HDAC8: variants seen among roughly 807,000 people sequenced by gnomAD.
The protein encoded by HDAC8 is histone deacetylase-like 1.
HDAC8 carries 1 observed loss-of-function variant against 32.2 expected under a neutral mutation model. That is an observed-to-expected ratio of 0.03 (90% CI 0.01 to 0.15). The LOEUF (loss-of-function observed/expected upper bound fraction) is 0.15. Among genes scored for constraint, HDAC8 ranks in the 10% least tolerant of loss-of-function variants. The pLI, the probability that HDAC8 is intolerant of heterozygous loss-of-function variation, is 1.00. For missense variants in HDAC8, 117 were observed against 300.0 expected (o/e 0.39, Z 4.51); for synonymous variants, 108 against 113.9 (o/e 0.95, Z 0.33).
chrX:72,415,767 T>C (rs1380535681), intron 9 of HDAC8, among the ~76,000 whole-genome samples: 1 of 112,343 alleles, frequency 8.9e-6, no homozygotes. Context: ...TGATAGTATA[T>C]AGAATTGATT....
intron 9 of HDAC8, among the ~76,000 whole-genome samples, chrX:72,356,090 A>G (rs1360929751): frequency 8.9e-6 from 1 of 112,115 alleles, no homozygotes; most frequent in African/African-American, 3.2e-5. Flanking sequence ...AGGTACTACT[A>G]TTGTTTCCAT....
chrX:72,421,685 G>T (rs1365001342), intron 9 of HDAC8, among the ~76,000 whole-genome samples: 1 of 112,169 alleles, frequency 8.9e-6, no homozygotes, highest in African/African-American at 3.2e-5. Flanking sequence ...AAAGAGTCAA[G>T]TTACAGACCA....
intron 4 of HDAC8, among the ~76,000 whole-genome samples, chrX:72,546,724 G>A (rs1234621407): frequency 9.0e-6 from 1 of 111,111 alleles, no homozygotes; most frequent in East Asian, 2.8e-4. Flanking sequence ...CACAAGGCAA[G>A]AGGACAACAT....
At chrX:72,481,066 A>G (rs1339719832) in intron 7 of HDAC8, among the ~76,000 whole-genome samples, 1 of 103,375 alleles carries the variant, frequency 9.7e-6, no homozygotes, top group East Asian at 3.0e-4. Flanking sequence ...AACTTAAAGT[A>G]AAAAAAAAAA....
intron 9 of HDAC8, among the ~76,000 whole-genome samples, chrX:72,393,755 T>C (rs1302966111): frequency 6.2e-5 from 7 of 112,145 alleles, no homozygotes; most frequent in Non-Finnish European, 1.3e-4. Context: ...TGTCTCTACT[T>C]AGGGATTACT....
At chrX:72,543,544 G>A (rs1418228159) in intron 4 of HDAC8, among the ~76,000 whole-genome samples, 2 of 111,245 alleles carry the variant, frequency 1.8e-5, no homozygotes, top group Non-Finnish European at 3.8e-5. Flanking sequence ...GAGTTCATTG[G>A]GACAATGTCC....
chrX:72,362,378 TCATGCTTGTACAGCCTG>T (rs1358730301), intron 9 of HDAC8, among the ~76,000 whole-genome samples: 3 of 112,035 alleles, frequency 2.7e-5, no homozygotes, highest in African/African-American at 9.7e-5. Flanking sequence ...GATGTTGGTG[TCATGCTTGTACAGCCTG>T]CAAAACTGTG....
intron 7 of HDAC8, chrX:72,467,103 T>C (rs1319028251): frequency 1.8e-5 from 2 of 110,442 alleles, no homozygotes; most frequent in Non-Finnish European, 3.8e-5. Flanking sequence ...AACCTTGTGG[T>C]GATGGTACTG....
At chrX:72,570,231 G>GT (rs1463665025) in intron 2 of HDAC8, among the ~76,000 whole-genome samples, 1 of 111,649 alleles carries the variant, frequency 9.0e-6, no homozygotes, top group African/African-American at 3.3e-5. Flanking sequence ...ATCTCGGACC[G>GT]TATTTCCCAG....
intron 9 of HDAC8, among the ~76,000 whole-genome samples, chrX:72,448,659 G>T (rs190094683): frequency 8.9e-6 from 1 of 112,163 alleles, no homozygotes; most frequent in Admixed American, 9.4e-5. Context: ...GTTACAGAAT[G>T]GGAGAAAATT....
intron 9 of HDAC8, among the ~76,000 whole-genome samples, chrX:72,453,510 A>AAGAAAGAAAGAG (rs1555988549): frequency 8.2e-5 from 9 of 109,817 alleles, no homozygotes; most frequent in Non-Finnish European, 3.8e-5. Context: ...GAAAGAAAGA[A>AAGAAAGAAAGAG]AGAAAGAAAG....
intron 9 of HDAC8, among the ~76,000 whole-genome samples, chrX:72,427,092 T>A (rs1462031921): frequency 1.8e-5 from 2 of 110,654 alleles, no homozygotes; most frequent in Non-Finnish European, 3.8e-5. Flanking sequence ...CCTGGGGTAT[T>A]TTGTTTTGGA....
At chrX:72,352,990 T>C (rs2044225769) in intron 9 of HDAC8, among the ~76,000 whole-genome samples, 2 of 112,388 alleles carry the variant, frequency 1.8e-5, no homozygotes, top group Non-Finnish European at 3.8e-5. Context: ...TCAATAGTGA[T>C]ATTGTTAGGT....
chrX:72,528,614 T>C lies in HDAC8; in HGVS notation c.438-33346A>G, dbSNP rs900284739. On this transcript the variant is annotated intron_variant, in intron 4 of 10. Transcript: ENST00000373573. ...GGGAACGTGGGGTAATGGCTGGGGG[T>C]CATGATGGTGGTGACGGTATATGAC... Among the ~76,000 whole-genome samples the C allele has an allele frequency of 3.3e-4, 36 of 109,352 alleles. 1 individual carries two copies. The highest frequency in any genetic ancestry group is 1.0e-3 in the African/African-American group (31 of 29,960). The allele number at this position is 109,352 out of a possible 115,157, so 95.0% of individuals were successfully genotyped here.
At chrX:72,514,548 T>C (rs2049719925) in intron 4 of HDAC8, among the ~76,000 whole-genome samples, 1 of 112,300 alleles carries the variant, frequency 8.9e-6, no homozygotes, top group Non-Finnish European at 1.9e-5. Flanking sequence ...TCCCAATACA[T>C]AAAACAAACA....
intron 7 of HDAC8, among the ~76,000 whole-genome samples, chrX:72,478,707 G>A (rs2048410799): frequency 9.8e-6 from 1 of 101,557 alleles, no homozygotes; most frequent in Non-Finnish European, 2.0e-5. Context: ...AGGCTGGAGT[G>A]CAGTGGCGTG....
chrX:72,570,184 G>T (rs782278488), intron 2 of HDAC8, among the ~76,000 whole-genome samples: 4 of 111,635 alleles, frequency 3.6e-5, no homozygotes, highest in Non-Finnish European at 7.5e-5. Flanking sequence ...ACCACCAGAG[G>T]TGAAAAATCT....
At chrX:72,364,944 G>T (rs782669079) in intron 9 of HDAC8, among the ~76,000 whole-genome samples, 43 of 111,706 alleles carry the variant, frequency 3.8e-4, no homozygotes, top group Non-Finnish European at 6.4e-4. Context: ...ATATCTAACC[G>T]TGTGCAAGAA....
At chrX:72,500,531 A>G (rs973744032) in intron 4 of HDAC8, among the ~76,000 whole-genome samples, 1 of 112,072 alleles carries the variant, frequency 8.9e-6, no homozygotes, top group East Asian at 2.8e-4. Context: ...CAAAAACTAC[A>G]TGATCATCTC....
Sources: gnomAD v4.1 joint callset for allele counts (sites outside exome capture counted in the v4.1 genomes callset) on GRCh38, gnomAD v4.1.1 for gene constraint, MANE v1.5 for transcripts, NCBI Gene and HGNC (gene_info 2026-07-23, HGNC 2026-07-21) for gene names.